Variants in UBR4 observed in about 807,000 individuals in gnomAD.
UBR4 encodes the protein E3 ubiquitin-protein ligase UBR4.
Under a neutral mutation model 575.6 loss-of-function variants are expected in UBR4, and 124 were observed. The ratio of observed to expected loss-of-function variants is 0.22; its 90% CI spans 0.19 to 0.25. The LOEUF (loss-of-function observed/expected upper bound fraction) is 0.25, where lower values mean the gene tolerates loss of function less well. Ranked by LOEUF, UBR4 falls within the 10% of genes least tolerant of loss-of-function variation. UBR4 has a pLI of 1.00. For missense variants in UBR4, 4,818 were observed against 6,478.8 expected, an observed-to-expected ratio of 0.74 and a Z score of 8.80; for synonymous variants, 2,455 against 2,473.7, an observed-to-expected ratio of 0.99 and a Z score of 0.22.
At chr1:19,140,590 T>C (rs1023990052) in intron 58 of UBR4, among the ~76,000 whole-genome samples, 198 bp downstream of exon 58, 9 of 152,184 alleles carry the variant, frequency 5.9e-5, no homozygotes, top group African/African-American at 1.9e-4. Flanking sequence ...GCATGCAAAG[T>C]GTGAGGAAGC....
chr1:19,081,814 T>C, intron 102 of UBR4: 1 of 697,972 alleles, frequency 1.4e-6, no homozygotes, highest in Non-Finnish European at 2.7e-6. Context: ...CATGTCTAGC[T>C]CCTACCCCAG....
At chr1:19,129,124 C>T in intron 60 of UBR4, 50 bp from the exon 61 acceptor site, 2 of 1,511,944 alleles carry the variant, frequency 1.3e-6, no homozygotes, top group South Asian at 2.3e-5. Context: ...TCCAACAGGA[C>T]ACAGCTGAAT....
chr1:19,189,790 T>C (rs903733255), intron 11 of UBR4, among the ~76,000 whole-genome samples: 9 of 152,182 alleles, frequency 5.9e-5, no homozygotes, highest in African/African-American at 2.2e-4. Flanking sequence ...CCCTTTACAA[T>C]GCCAAGAATG....
At chr1:19,141,555 T>C (rs374776866) in intron 56 of UBR4, 31 bp from the exon 57 acceptor site, 16 of 1,597,112 alleles carry the variant, frequency 1.0e-5, no homozygotes, top group Middle Eastern at 1.7e-4. Flanking sequence ...CAGTGTCCCA[T>C]GGTAAGTGGT....
At chr1:19,182,589 A>C (rs887732170) in intron 17 of UBR4, among the ~76,000 whole-genome samples, 1 of 152,156 alleles carries the variant, frequency 6.6e-6, no homozygotes. Flanking sequence ...TCCCACCAGC[A>C]ATGCATCAAG....
chr1:19,206,528 G>T (rs1416834492), intron 1 of UBR4, among the ~76,000 whole-genome samples: 1 of 152,054 alleles, frequency 6.6e-6, no homozygotes, highest in Admixed American at 6.6e-5. Flanking sequence ...TAGAAACAGG[G>T]TTTCACCATG....
chr1:19,159,045 G>A (rs1260330482), intron 39 of UBR4, among the ~76,000 whole-genome samples: 1 of 152,246 alleles, frequency 6.6e-6, no homozygotes, highest in Non-Finnish European at 1.5e-5. Context: ...AGGAGGCTGA[G>A]TGAGGCATGA....
rs757902062 is a variant in UBR4 at position 19,198,729 on chromosome 1, A to C, written c.509-49T>G. On this transcript the variant is annotated intron_variant, in intron 4 of 105. Coordinates refer to ENST00000375254, the MANE Select transcript of UBR4 (RefSeq NM_020765.3). Reference sequence around the variant, plus strand: ...AAGGGCTGAGGAAAGTGCCACTAGAAGGCAAAGGTGCCATGGAAAAGGTGC... The same window carrying C: ...AAGGGCTGAGGAAAGTGCCACTAGACGGCAAAGGTGCCATGGAAAAGGTGC... The C allele has an allele frequency of 1.4e-5, 22 of 1,612,620 alleles. No homozygotes were observed. The Admixed American group carries it at 2.2e-4, about 16-fold the overall frequency.
At chr1:19,082,000 T>C in intron 102 of UBR4, 2 of 583,056 alleles carry the variant, frequency 3.4e-6, no homozygotes, top group East Asian at 2.8e-5. Context: ...CAAGATTCCC[T>C]GGTGGGTCCA....
In UBR4 at chr1:19,139,274, A is replaced by G; in HGVS notation, c.8594-54T>C. 3 of 1,525,000 alleles carry G rather than the reference A, an allele frequency of 2.0e-6. No homozygotes were observed. The Admixed American group carries it at 6.1e-5, about 31-fold the overall frequency. The allele number at this position is 1,525,000 out of a possible 1,614,324, so 94.5% of individuals were successfully genotyped here. A position where few individuals can be genotyped will look rare whatever the true frequency, so the allele number is the denominator to read the frequency against. ...TTAAAAAACAAACAAACAAACAAAC[A>G]AACAAAAAACAAAAAAAACCCCTCC... On this transcript the variant is annotated intron_variant, in intron 58 of 105. Transcript: ENST00000375254. The surrounding 1 kb of genome is among the most constrained non-coding windows in gnomAD (Gnocchi z 4.2).
At chr1:19,193,624 A>T in intron 8 of UBR4, 67 bp from the exon 9 acceptor site, 1 of 1,533,634 alleles carries the variant, frequency 6.5e-7, no homozygotes, top group Non-Finnish European at 8.8e-7. Context: ...GCTGAAACAC[A>T]AAAGCACACC....
chr1:19,190,312 A>AAAAATATATATATATATAT, intron 11 of UBR4, among the ~76,000 whole-genome samples: 12 of 79,904 alleles, frequency 1.5e-4, no homozygotes, highest in Non-Finnish European at 2.1e-4. Context: ...AAAAAAAAAA[A>AAAAATATATATATATATAT]ATATATATAT....
intron 66 of UBR4, 121 bp downstream of exon 66, chr1:19,122,712 C>A: frequency 8.8e-7 from 1 of 1,135,436 alleles, no homozygotes; most frequent in Non-Finnish European, 1.3e-6. Context: ...CATCTCAGCC[C>A]TAACCATGCC....
chr1:19,086,596 AACC>A, intron 100 of UBR4, 80 bp downstream of exon 100: 1 of 1,562,074 alleles, frequency 6.4e-7, no homozygotes, highest in Non-Finnish European at 8.7e-7. Flanking sequence ...GCAGATTTAA[AACC>A]ACGAGGATGG....
chr1:19,187,755 G>A (rs927709294), intron 11 of UBR4, among the ~76,000 whole-genome samples: 3 of 152,020 alleles, frequency 2.0e-5, no homozygotes, highest in African/African-American at 7.3e-5. Flanking sequence ...GGATCTGCAG[G>A]CTTCAGGTTT....
At chr1:19,104,437 G>A (rs1036952506) in intron 86 of UBR4, 148 bp downstream of exon 86, 11 of 1,132,806 alleles carry the variant, frequency 9.7e-6, no homozygotes, top group East Asian at 2.6e-5. Flanking sequence ...AATCATAAAC[G>A]TATCAATACA....
At chr1:19,096,418 T>C in intron 92 of UBR4, 105 bp downstream of exon 92, 1 of 1,513,398 alleles carries the variant, frequency 6.6e-7, no homozygotes, top group South Asian at 1.3e-5. Context: ...CACGGCACCA[T>C]GCTGCCCTCT....
chr1:19,206,294 C>T (rs920167325), intron 1 of UBR4, among the ~76,000 whole-genome samples: 2 of 152,054 alleles, frequency 1.3e-5, no homozygotes, highest in Admixed American at 6.6e-5. Flanking sequence ...CTATAATCGT[C>T]CCACTGTACT....
rs1378746355 is a variant in UBR4 at position 19,153,276 on chromosome 1, C to T, written c.6832+25G>A. 1.2e-6 allele frequency: 2 copies of T among 1,613,106 alleles called. No homozygotes were observed. The highest frequency in any genetic ancestry group is 1.3e-5 in the African/African-American group (1 of 75,054). On this transcript the variant is annotated intron_variant, in intron 46 of 105. Coordinates refer to ENST00000375254, the MANE Select transcript of UBR4 (RefSeq NM_020765.3). This position sits in a 1 kb window ranked among gnomAD's most constrained non-coding sequence, Gnocchi z 4.1. Reference sequence around the variant, plus strand: ...GAAGACCACCATTCCTACTCCCCCACAAGTCATCTGAGAAGGAGCCTTACT... The same window carrying T: ...GAAGACCACCATTCCTACTCCCCCATAAGTCATCTGAGAAGGAGCCTTACT...
Sources: gnomAD v4.1 joint callset for allele counts (sites outside exome capture counted in the v4.1 genomes callset) on GRCh38, gnomAD v4.1.1 for gene constraint, Gnocchi (gnomAD v3.1) non-coding constraint, MANE v1.5 for transcripts, NCBI Gene and HGNC (gene_info 2026-07-23, HGNC 2026-07-21) for gene names.